SEC24D: variants seen among roughly 807,000 people sequenced by gnomAD.
SEC24D encodes SEC24 homolog D, COPII component.
Under a neutral mutation model 116.9 loss-of-function variants are expected in SEC24D, and 69 were observed. The observed-to-expected ratio is 0.59, with a 90% CI of 0.49 to 0.72. The LOEUF is 0.72. SEC24D is among the 30% of genes least tolerant of loss of function. The pLI, the probability that SEC24D is intolerant of heterozygous loss-of-function variation, is 0.00. For missense variants in SEC24D, 1,131 were observed against 1,264.1 expected (o/e 0.89, Z 1.60); for synonymous variants, 405 against 442.8 (o/e 0.91, Z 1.07).
At chr4:118,732,987 T>C in intron 19 of SEC24D, 75 bp from the exon 20 acceptor site, 3 of 1,270,548 alleles carry the variant, frequency 2.4e-6, no homozygotes, top group Non-Finnish European at 2.2e-6. Context: ...TCTGTAAGAC[T>C]GAAACATTAT....
At chr4:118,795,358 A>G (rs2015531) in intron 8 of SEC24D, among the ~76,000 whole-genome samples, 92,639 of 151,182 alleles carry the variant, frequency 0.61, 29,809 homozygotes, top group Non-Finnish European at 0.7. Context: ...ACAGGCACAC[A>G]CCACCATACC....
At chr4:118,777,092 ATTAT>A (rs70944813) in intron 8 of SEC24D, among the ~76,000 whole-genome samples, 43,097 of 148,500 alleles carry the variant, frequency 0.29, 6,926 homozygotes, top group Non-Finnish European at 0.37. Flanking sequence ...GAAGGTCTGA[ATTAT>A]TTATTTATTT....
chr4:118,813,947 C>T (rs1027925347), intron 6 of SEC24D, among the ~76,000 whole-genome samples: 5 of 152,138 alleles, frequency 3.3e-5, no homozygotes, highest in African/African-American at 9.7e-5. Flanking sequence ...TTAGAAAAAC[C>T]GGGAACCCAC....
At chr4:118,816,409 T>C (rs1730150984) in intron 4 of SEC24D, among the ~76,000 whole-genome samples, 1 of 152,160 alleles carries the variant, frequency 6.6e-6, no homozygotes, top group Non-Finnish European at 1.5e-5. Flanking sequence ...TCAGGTAAAT[T>C]GCACATTCAA....
At chr4:118,758,447 C>T (rs1490567784) in intron 10 of SEC24D, 1 of 152,128 alleles carries the variant, frequency 6.6e-6, no homozygotes, top group South Asian at 2.1e-4. Flanking sequence ...CATAGAACGT[C>T]AGGCGTTTTC....
chr4:118,764,049 T>C (rs182885032), intron 10 of SEC24D, among the ~76,000 whole-genome samples: 31 of 152,272 alleles, frequency 2.0e-4, no homozygotes, highest in Admixed American at 1.6e-3. Context: ...AATGGAAAGA[T>C]ACTCTGGTCA....
In SEC24D at chr4:118,831,559, A is replaced by G. The variant is rs1578485869; in HGVS notation, c.118+2020T>C. On this transcript the variant is annotated intron_variant, in intron 2 of 22. Transcript: ENST00000280551. ...CACACGCAGCCCAGGACAGCTTTGA[A>G]TATGGCCCAACACAAATTTGAAAAC... Among the ~76,000 whole-genome samples, 10 of 152,216 alleles carry G rather than the reference A, an allele frequency of 6.6e-5. No individual in the cohort carries two copies. In the South Asian group the frequency reaches 2.1e-3, roughly 32 times the overall value.
intron 8 of SEC24D, among the ~76,000 whole-genome samples, chr4:118,772,232 T>A (rs538747274): frequency 6.6e-6 from 1 of 152,306 alleles, no homozygotes; most frequent in South Asian, 2.1e-4. Flanking sequence ...AGCAGCTAAA[T>A]ACCAAAGTGT....
chr4:118,757,796 G>T lies in SEC24D; in HGVS notation c.1346C>A (p.Ser449Ter). Reference sequence around the variant, plus strand: ...AAGTCCATTCTTTATGTTACTATATGAAACATCAATCATGAAGATAAAGGC... The same window carrying T: ...AAGTCCATTCTTTATGTTACTATATTAAACATCAATCATGAAGATAAAGGC... ...PPAFIFMIDV[S>*]YSNIKNGLVK... The change falls in exon 11 of 23, where the codon TCA becomes TAA. Residue 449 changes from serine to a stop codon, truncating the protein, a stop_gained. Coordinates refer to ENST00000280551, the MANE Select transcript of SEC24D (RefSeq NM_014822.4). LOFTEE classifies it high-confidence loss of function. The T allele has an allele frequency of 6.2e-7, 1 of 1,611,794 alleles. No individual in the cohort carries two copies. The highest frequency in any genetic ancestry group is 1.1e-5 in the South Asian group (1 of 90,824).
At chr4:118,738,783 T>C (rs1393976146) in intron 18 of SEC24D, among the ~76,000 whole-genome samples, 6 of 152,216 alleles carry the variant, frequency 3.9e-5, no homozygotes, top group Admixed American at 6.5e-5. Context: ...TTCATAGTTA[T>C]CATGGTATGG....
intron 21 of SEC24D, chr4:118,730,022 T>C (rs969392603): frequency 1.3e-5 from 2 of 152,224 alleles, no homozygotes; most frequent in African/African-American, 4.8e-5. Context: ...CTTTGTTTCA[T>C]TTTGTTGATG....
chr4:118,825,830 T>C (rs1730570909), intron 2 of SEC24D, among the ~76,000 whole-genome samples: 1 of 152,180 alleles, frequency 6.6e-6, no homozygotes, highest in Non-Finnish European at 1.5e-5. Context: ...CACTCCTCCT[T>C]TTGACTTCGT....
intron 10 of SEC24D, among the ~76,000 whole-genome samples, chr4:118,761,308 C>T (rs1206182055): frequency 6.6e-6 from 1 of 152,164 alleles, no homozygotes; most frequent in African/African-American, 2.4e-5. Flanking sequence ...GGAACAACTC[C>T]ACCTTCACCT....
chr4:118,770,910 T>C (rs1166401131), intron 8 of SEC24D, among the ~76,000 whole-genome samples: 1 of 152,172 alleles, frequency 6.6e-6, no homozygotes, highest in African/African-American at 2.4e-5. Context: ...AGATGATGGA[T>C]AGGTAAGTAA....
At chr4:118,806,025 C>T in intron 6 of SEC24D, 71 bp from the exon 7 acceptor site, 1 of 923,228 alleles carries the variant, frequency 1.1e-6, no homozygotes, top group South Asian at 1.5e-5. Context: ...TTAGAGAGTA[C>T]CCTTGCTCTC....
intron 8 of SEC24D, among the ~76,000 whole-genome samples, chr4:118,794,411 A>G (rs1379938940): frequency 6.6e-6 from 1 of 152,242 alleles, no homozygotes; most frequent in African/African-American, 2.4e-5. Context: ...TTTTGCTAGT[A>G]GATAACTGAA....
chr4:118,766,818 C>T (rs1001502900), intron 9 of SEC24D: 4 of 152,160 alleles, frequency 2.6e-5, no homozygotes, highest in African/African-American at 9.7e-5. Flanking sequence ...ATTTTTTCCT[C>T]TAAAACTAAA....
intron 7 of SEC24D, among the ~76,000 whole-genome samples, chr4:118,799,700 G>A (rs1190132641): frequency 6.6e-6 from 1 of 152,192 alleles, no homozygotes; most frequent in Non-Finnish European, 1.5e-5. Context: ...AGTGTAGGAT[G>A]TGTATCACGC....
intron 10 of SEC24D, among the ~76,000 whole-genome samples, chr4:118,759,781 C>T (rs535372799): frequency 1.3e-5 from 2 of 152,288 alleles, no homozygotes; most frequent in East Asian, 3.9e-4. Context: ...ACAGAAATCT[C>T]GTTCATTTGC....
Sources: gnomAD v4.1 joint callset for allele counts (sites outside exome capture counted in the v4.1 genomes callset) on GRCh38, gnomAD v4.1.1 for gene constraint, MANE v1.5 for transcripts, NCBI Gene and HGNC (gene_info 2026-07-23, HGNC 2026-07-21) for gene names.